THNSL1: variants seen among roughly 807,000 people sequenced by gnomAD.
THNSL1 encodes threonine synthase like 1, also known as threonine synthase-like 1.
In THNSL1, 48 loss-of-function variants were observed where a neutral mutation model predicts 50.4. The ratio of observed to expected loss-of-function variants is 0.95; its 90% confidence interval spans 0.76 to 1.21. The LOEUF (loss-of-function observed/expected upper bound fraction) is 1.21. Ranked by LOEUF, THNSL1 falls within the 50% of genes most tolerant of loss-of-function variation. The probability of loss-of-function intolerance (pLI) is 0.00; values close to 1 mark genes in which losing one functional copy is unlikely to be tolerated. For missense variants in THNSL1, 896 were observed against 871.7 expected (o/e 1.03, Z -0.35); for synonymous variants, 309 against 306.1 (o/e 1.01, Z -0.10).
chr10:25,014,275 G>T (rs1176964067), upstream of THNSL1, among the ~76,000 whole-genome samples: 4 of 152,310 alleles, frequency 2.6e-5, no homozygotes, highest in African/African-American at 9.6e-5. Flanking sequence ...GCAGTTGTCA[G>T]AATCTTGCCA....
At chr10:24,988,679 T>C in the THNSL1 span, among the ~76,000 whole-genome samples, 1 of 2,614 alleles carries the variant, frequency 3.8e-4, no homozygotes. Flanking sequence ...TATATATATA[T>C]ATATATATAT....
the THNSL1 span, chr10:24,985,041 T>C: frequency 4.0e-6 from 3 of 748,948 alleles, no homozygotes; most frequent in African/African-American, 1.8e-5. Context: ...GAAATGTATT[T>C]ATCAAGTACT....
the THNSL1 span, among the ~76,000 whole-genome samples, chr10:24,967,307 G>A: frequency 3.3e-5 from 5 of 152,134 alleles, no homozygotes; most frequent in Non-Finnish European, 7.3e-5. Flanking sequence ...TAGTGAAACC[G>A]TGTGATTTCT....
chr10:24,968,047 TAG>T, the THNSL1 span, among the ~76,000 whole-genome samples: 1 of 150,624 alleles, frequency 6.6e-6, no homozygotes, highest in Non-Finnish European at 1.5e-5. Flanking sequence ...AGGCTGCTGG[TAG>T]TCCTGGCCAC....
intron 2 of THNSL1, 140 bp from the exon 3 acceptor site, chr10:25,023,036 C>A (rs1205572843): frequency 4.0e-6 from 2 of 500,622 alleles, no homozygotes; most frequent in Non-Finnish European, 6.7e-6. Flanking sequence ...TTTTTTAATT[C>A]CATAAGTTTG....
chr10:24,975,143 C>G, the THNSL1 span, among the ~76,000 whole-genome samples: 6 of 151,858 alleles, frequency 4.0e-5, no homozygotes, highest in African/African-American at 1.5e-4. Context: ...GTTGAGCCAT[C>G]GAGCTTATTC....
At chr10:24,966,471 G>A in the THNSL1 span, among the ~76,000 whole-genome samples, 3 of 152,158 alleles carry the variant, frequency 2.0e-5, no homozygotes, top group Non-Finnish European at 4.4e-5. Flanking sequence ...CCTTTTCTCT[G>A]AGACAATTTC....
the THNSL1 span, among the ~76,000 whole-genome samples, chr10:24,954,910 G>A: frequency 6.6e-6 from 1 of 152,162 alleles, no homozygotes; most frequent in East Asian, 1.9e-4. Context: ...CTTGCATTAT[G>A]AGGATTTAGA....
At chr10:24,999,382 A>C in the THNSL1 span, 1 of 1,579,426 alleles carries the variant, frequency 6.3e-7, no homozygotes, top group South Asian at 1.2e-5. Context: ...TATTAAAAAT[A>C]AAGCATGATA....
chr10:25,024,553 A>G lies in THNSL1; in HGVS notation c.1330A>G (p.Ile444Val), dbSNP rs376608391. The change falls in exon 3 of 3, where the codon ATA becomes GTA. Residue 444 changes from isoleucine to valine, a missense_variant. Coordinates refer to ENST00000376356, the MANE Select transcript of THNSL1 (RefSeq NM_024838.5). The part of the protein sequence containing the change: ...ESDFDFCQTA[I>V]KRIFNDSDFT... ...AGATTTTGATTTTTGCCAGACAGCTATAAAAAGAATTTTTAATGATTCTGA... is the reference window on the plus strand; with the variant it reads ...AGATTTTGATTTTTGCCAGACAGCTGTAAAAAGAATTTTTAATGATTCTGA... 7.4e-6 allele frequency: 12 copies of G among 1,614,092 alleles called. No homozygotes were observed. The highest frequency in any genetic ancestry group is 2.2e-5 in the East Asian group (1 of 44,902).
chr10:25,016,615 G>C lies in THNSL1; in HGVS notation c.-293G>C, dbSNP rs1294218987. The C allele has an allele frequency of 6.6e-6, 1 of 152,430 alleles. No individual in the cohort carries two copies. The highest frequency in any genetic ancestry group is 1.5e-5 in the Non-Finnish European group (1 of 68,250). The allele number at this position is 152,430 out of a possible 1,614,324, so 9.4% of individuals were successfully genotyped here. ...GCGAGGCCGCTCGGGGAAGGGCGTG[G>C]AGCGGAGGCACGCTGGCCGCCGCAG... is the stretch of plus-strand genomic sequence containing the variant. On this transcript the variant is annotated 5_prime_UTR_variant, in exon 1 of 3. Coordinates refer to ENST00000376356, the MANE Select transcript of THNSL1 (RefSeq NM_024838.5).
chr10:24,984,668 G>GT, the THNSL1 span: 22 of 1,441,720 alleles, frequency 1.5e-5, no homozygotes, highest in Admixed American at 2.5e-5. Context: ...AAAACTTGGA[G>GT]TTTTTTATAT....
the THNSL1 span, among the ~76,000 whole-genome samples, chr10:24,958,579 C>T: frequency 6.6e-6 from 1 of 152,190 alleles, no homozygotes; most frequent in African/African-American, 2.4e-5. Context: ...CCGTCTTTCC[C>T]GGTCTCTTGT....
chr10:24,998,258 GA>G, the THNSL1 span, among the ~76,000 whole-genome samples: 11 of 151,938 alleles, frequency 7.2e-5, no homozygotes, highest in Non-Finnish European at 1.5e-4. Context: ...ATTTTGAAGA[GA>G]CAGACTCGTT....
the THNSL1 span, among the ~76,000 whole-genome samples, chr10:25,001,282 A>G: frequency 6.6e-6 from 1 of 150,780 alleles, no homozygotes; most frequent in Non-Finnish European, 1.5e-5. Flanking sequence ...TCTTCTATAT[A>G]ATTTTTCTTT....
the THNSL1 span, among the ~76,000 whole-genome samples, chr10:24,967,498 A>G: frequency 2.0e-5 from 3 of 152,294 alleles, no homozygotes; most frequent in African/African-American, 7.2e-5. Context: ...GTGAAGCTTT[A>G]TAGTTCTCAT....
chr10:24,990,765 C>T, the THNSL1 span, among the ~76,000 whole-genome samples: 1 of 152,184 alleles, frequency 6.6e-6, no homozygotes, highest in African/African-American at 2.4e-5. Context: ...TTTTTTCCCT[C>T]CATTGAGAGC....
chr10:24,990,703 T>C, the THNSL1 span: 4 of 1,262,612 alleles, frequency 3.2e-6, no homozygotes, highest in Non-Finnish European at 4.3e-6. Context: ...AAAGAAATGG[T>C]ACAGACTAAA....
chr10:24,984,658 A>G, the THNSL1 span: 21 of 1,378,536 alleles, frequency 1.5e-5, no homozygotes, highest in Admixed American at 2.7e-5. Context: ...TCCTTTTTGA[A>G]AAACTTGGAG....
Sources: allele counts gnomAD v4.1 joint callset (sites outside exome capture counted in the v4.1 genomes callset), GRCh38; gene constraint gnomAD v4.1.1; transcripts MANE v1.5; gene names NCBI Gene and HGNC (gene_info 2026-07-23, HGNC 2026-07-21).